The following LHX4 variants were observed in gnomAD, a reference collection of about 807,000 sequenced individuals.
The protein encoded by LHX4 is LIM/homeobox protein Lhx4.
LHX4 carries 16 observed loss-of-function variants against 39.2 expected under a neutral mutation model. That is an observed-to-expected ratio of 0.41 (90% CI 0.28 to 0.62). The LOEUF (loss-of-function observed/expected upper bound fraction) is 0.62, where lower values mean the gene tolerates loss of function less well. Ranked by LOEUF, LHX4 falls within the 20% of genes least tolerant of loss-of-function variation. LHX4 has a pLI of 0.33. For missense variants in LHX4, 439 were observed against 511.9 expected (o/e 0.86, Z 1.37); for synonymous variants, 206 against 198.1 (o/e 1.04, Z -0.33).
At chr1:180,243,247 C>T (rs1647238505) in intron 1 of LHX4, among the ~76,000 whole-genome samples, 2 of 152,076 alleles carry the variant, frequency 1.3e-5, no homozygotes, top group East Asian at 3.9e-4. Flanking sequence ...TCTCGTCCTC[C>T]TAAAGTGCCA....
rs771109452 is a variant in LHX4, at chr1:180,271,949, GAGA to G, written c.724_726del (p.Lys242del). ...GAGGAGCCGGGGCAGCAGCAAGCAG[GAGA>G]AGGAGAGCTCTGCAGAGGACTGTGG... On this transcript the variant is annotated inframe_deletion, in exon 5 of 6. Coordinates refer to ENST00000263726, the MANE Select transcript of LHX4 (RefSeq NM_033343.4). The G allele has an allele frequency of 1.2e-4, 194 of 1,613,294 alleles. No homozygotes were observed. Among genetic ancestry groups the G allele is most frequent in the Admixed American group, 2.5e-4 (15 of 59,946 alleles).
At chr1:180,261,571 A>T (rs920396672) in intron 2 of LHX4, among the ~76,000 whole-genome samples, 10 of 152,122 alleles carry the variant, frequency 6.6e-5, no homozygotes, top group Admixed American at 3.9e-4. Context: ...GGGAAGACTG[A>T]GAGTTCGAGT....
At chr1:180,249,939 G>A (rs1216976247) in intron 2 of LHX4, among the ~76,000 whole-genome samples, 2 of 151,846 alleles carry the variant, frequency 1.3e-5, no homozygotes, top group East Asian at 3.9e-4. Flanking sequence ...GTGTGGGTGA[G>A]TGTTGTGTGA....
rs571711199 is a variant in LHX4 at position 180,266,646 on chromosome 1, C to T, written c.451+52C>T. ...CCTCTCCAGGCCTTTGTTTGGGCCA[C>T]GCCCTCTGCCTGAGGTGCCCTTCTC... On this transcript the variant is annotated intron_variant, in intron 3 of 5. Coordinates refer to ENST00000263726, the MANE Select transcript of LHX4 (RefSeq NM_033343.4). This position sits in a 1 kb window ranked among gnomAD's most constrained non-coding sequence, Gnocchi z 5.7. 28 of 1,558,930 alleles carry T rather than the reference C, an allele frequency of 1.8e-5. No homozygotes were observed. The highest frequency in any genetic ancestry group is 1.3e-4 in the South Asian group (11 of 87,648).
In LHX4 at chr1:180,230,826, C is replaced by A. The variant is rs1382420088; in HGVS notation, c.76+221C>A. ...AACGCCTCCTGGATCATGCTTGAGG[C>A]GAGCCGAGTACCGAACCCCGCATCT... On this transcript the variant is annotated intron_variant, in intron 1 of 5. Coordinates refer to ENST00000263726, the MANE Select transcript of LHX4 (RefSeq NM_033343.4). The surrounding 1 kb of genome is among the most constrained non-coding windows in gnomAD (Gnocchi z 5.8). Among the ~76,000 whole-genome samples the A allele has an allele frequency of 6.6e-6, 1 of 152,162 alleles. No individual in the cohort carries two copies. Among genetic ancestry groups the A allele is most frequent in the Non-Finnish European group, 1.5e-5 (1 of 68,026 alleles).
chr1:180,276,572 G>A lies in LHX4; in HGVS notation c.*1993G>A, dbSNP rs551328183. 6.6e-6 allele frequency: 1 copy of A among 152,336 alleles called. No homozygotes were observed. The highest frequency in any genetic ancestry group is 2.4e-5 in the African/African-American group (1 of 41,564). The allele number at this position is 152,336 out of a possible 1,614,324, so 9.4% of individuals were successfully genotyped here. A position where few individuals can be genotyped will look rare whatever the true frequency, so the allele number is the denominator to read the frequency against. On this transcript the variant is annotated 3_prime_UTR_variant, in exon 6 of 6. Transcript: ENST00000263726. ...GGGAATTCTCCAATCATGAACACTG[G>A]GGTGGGGAGGAAGACACAAATGCCA... is the stretch of plus-strand genomic sequence containing the variant.
intron 1 of LHX4, among the ~76,000 whole-genome samples, chr1:180,240,817 A>C (rs928767084): frequency 6.6e-6 from 1 of 152,194 alleles, no homozygotes; most frequent in African/African-American, 2.4e-5. Context: ...GGGATTTAAA[A>C]ATGGAATCCA....
chr1:180,236,168 G>A (rs1016532249), intron 1 of LHX4, among the ~76,000 whole-genome samples: 6 of 150,998 alleles, frequency 4.0e-5, no homozygotes, highest in African/African-American at 1.2e-4. Flanking sequence ...GCAAATACCA[G>A]GGTCCATTTT....
At position 180,271,828 on chromosome 1, in the gene LHX4, G is replaced by A. The variant is rs377328553; in HGVS notation, c.607-7G>A. On this transcript the variant is annotated splice_region_variant and splice_polypyrimidine_tract_variant and intron_variant, in intron 4 of 5. Coordinates refer to ENST00000263726, the MANE Select transcript of LHX4 (RefSeq NM_033343.4). ...CCCTGAGTATGTCCCTTGTGCTTGT[G>A]TGGCAGGTTTGGTTTCAGAACAGAA... is the stretch of plus-strand genomic sequence containing the variant. The A allele has an allele frequency of 1.1e-5, 18 of 1,613,808 alleles. No homozygotes were observed. The highest frequency in any genetic ancestry group is 1.2e-5 in the Non-Finnish European group (14 of 1,180,002).
intron 5 of LHX4, 128 bp from the exon 6 acceptor site, chr1:180,274,057 T>C (rs940424927): frequency 4.2e-6 from 5 of 1,185,896 alleles, no homozygotes; most frequent in African/African-American, 3.0e-5. Flanking sequence ...GTCTGACCCA[T>C]GCTTGGCTGC....
intron 1 of LHX4, among the ~76,000 whole-genome samples, chr1:180,238,194 CT>C (rs1021115457): frequency 7.2e-5 from 11 of 152,100 alleles, no homozygotes; most frequent in African/African-American, 2.7e-4. Context: ...TGAATTTGTT[CT>C]TTTATTGAAG....
At chr1:180,251,904 T>G (rs1374635657) in intron 2 of LHX4, among the ~76,000 whole-genome samples, 1 of 152,166 alleles carries the variant, frequency 6.6e-6, no homozygotes, top group Non-Finnish European at 1.5e-5. Flanking sequence ...GCTGAAGTGA[T>G]TCTCCCTCCT....
At chr1:180,236,828 CTT>C (rs1664331737) in intron 1 of LHX4, among the ~76,000 whole-genome samples, 1 of 152,214 alleles carries the variant, frequency 6.6e-6, no homozygotes, top group Non-Finnish European at 1.5e-5. Context: ...ATATTACCCA[CTT>C]TGAGAAACCC....
chr1:180,271,652 T>A, intron 4 of LHX4, 118 bp downstream of exon 4: 6 of 1,409,994 alleles, frequency 4.3e-6, no homozygotes, highest in Non-Finnish European at 6.0e-6. Flanking sequence ...CCCAGGGCTT[T>A]TGCCAGAACT....
chr1:180,260,862 C>T (rs1327436822), intron 2 of LHX4, among the ~76,000 whole-genome samples: 1 of 151,806 alleles, frequency 6.6e-6, no homozygotes. Flanking sequence ...GTGTCAGAAG[C>T]ACCGACTGCA....
At chr1:180,261,819 A>T (rs1648124536) in intron 2 of LHX4, among the ~76,000 whole-genome samples, 2 of 152,202 alleles carry the variant, frequency 1.3e-5, no homozygotes, top group South Asian at 4.1e-4. Context: ...TTCTTAAGGA[A>T]CTGCCAACCA....
At chr1:180,255,619 C>T (rs1473376306) in intron 2 of LHX4, among the ~76,000 whole-genome samples, 1 of 152,250 alleles carries the variant, frequency 6.6e-6, no homozygotes. Flanking sequence ...GGACCAGGCC[C>T]ACAGTCATTT....
chr1:180,229,973 G>A (rs1351450892), upstream of LHX4, among the ~76,000 whole-genome samples: 34 of 143,630 alleles, frequency 2.4e-4, 5 homozygotes, highest in African/African-American at 8.8e-4. Context: ...GAGGGGGGGG[G>A]GGTGCCGGCT....
Position 180,230,402 on chromosome 1 carries a change from C to A in LHX4, c.-128C>A. 2.5e-6 allele frequency: 2 copies of A among 792,052 alleles called. No individual in the cohort carries two copies. The highest frequency in any genetic ancestry group is 1.5e-5 in the South Asian group (1 of 68,022). The allele number at this position is 792,052 out of a possible 1,614,324, so 49.1% of individuals were successfully genotyped here. On this transcript the variant is annotated 5_prime_UTR_variant, in exon 1 of 6. Transcript: ENST00000263726. This position sits in a 1 kb window ranked among gnomAD's most constrained non-coding sequence, Gnocchi z 5.8. ...GGAGTCCTCCCTGAGAAGCGGAGGG[C>A]CCGGCTTCCACCGTGACTCCAGCGG...
Sources: allele counts gnomAD v4.1 joint callset (sites outside exome capture counted in the v4.1 genomes callset), GRCh38; gene constraint gnomAD v4.1.1; non-coding constraint Gnocchi (gnomAD v3.1); transcripts MANE v1.5; gene names NCBI Gene and HGNC (gene_info 2026-07-23, HGNC 2026-07-21).